TAS1R2: variants seen among roughly 807,000 people sequenced by gnomAD.
TAS1R2 encodes the protein taste receptor type 1 member 2.
TAS1R2 carries 47 observed loss-of-function variants against 49.3 expected under a neutral mutation model. The observed-to-expected ratio is 0.95, with a 90% confidence interval of 0.75 to 1.22. The LOEUF is 1.22. TAS1R2 is among the 50% of genes most tolerant of loss of function. The pLI is 0.00. For missense variants in TAS1R2, 1,155 were observed against 1,122.1 expected, an observed-to-expected ratio of 1.03 and a Z score of -0.42; for synonymous variants, 479 against 467.9, an observed-to-expected ratio of 1.02 and a Z score of -0.31.
At chr1:18,841,598 GC>G in intron 5 of TAS1R2, 130 bp downstream of exon 5, 1 of 1,332,766 alleles carries the variant, frequency 7.5e-7, no homozygotes, top group South Asian at 1.6e-5. Flanking sequence ...CTGGTCCCTG[GC>G]CTTTGGACAC....
chr1:18,854,899 TGTGGTGGTC>T lies in TAS1R2; in HGVS notation c.562_570del (p.Asp188_His190del). The T allele has an allele frequency of 1.9e-6, 3 of 1,612,878 alleles. No individual in the cohort carries two copies. The highest frequency in any genetic ancestry group is 2.5e-6 in the Non-Finnish European group (3 of 1,179,636). On this transcript the variant is annotated inframe_deletion, in exon 3 of 6. Transcript: ENST00000375371. The surrounding 1 kb of genome is among the most constrained non-coding windows in gnomAD (Gnocchi z 4.9). ...AGCATCAGCTGCACCATGGCCTCGA[TGTGGTGGTC>T]GGCGCTGGGTGTGGTACGCAGCAAA...
At chr1:18,859,486 A>C in exon 1 of TAS1R2, 1 of 1,614,106 alleles carries the variant, frequency 6.2e-7, no homozygotes. Flanking sequence ...CACTCCTTGC[A>C]CATGGGCACC....
chr1:18,850,549 G>A (rs998274584), intron 3 of TAS1R2, among the ~76,000 whole-genome samples: 4 of 152,272 alleles, frequency 2.6e-5, no homozygotes, highest in Admixed American at 2.6e-4. Context: ...CCAGGTGGTC[G>A]GCCTGAGGAT....
At chr1:18,841,482 G>T (rs1369211222) in intron 5 of TAS1R2, among the ~76,000 whole-genome samples, 2 of 152,230 alleles carry the variant, frequency 1.3e-5, no homozygotes, top group Non-Finnish European at 1.5e-5. Context: ...CTGCAGTCCA[G>T]CGTGGGGGAG....
chr1:18,852,681 C>T (rs935762016), intron 3 of TAS1R2, among the ~76,000 whole-genome samples: 3 of 152,210 alleles, frequency 2.0e-5, no homozygotes, highest in Admixed American at 6.5e-5. Flanking sequence ...CTGCAGTTCC[C>T]GTCGCCTCTC....
intron 3 of TAS1R2, among the ~76,000 whole-genome samples, chr1:18,851,084 G>C (rs969528157): frequency 1.1e-3 from 170 of 152,332 alleles, no homozygotes; most frequent in African/African-American, 4.0e-3. Context: ...AGTAGTGGCA[G>C]CACTGGGATT....
chr1:18,858,186 AC>A (rs1263086464), intron 1 of TAS1R2: 1 of 155,594 alleles, frequency 6.4e-6, no homozygotes, highest in African/African-American at 2.4e-5. Flanking sequence ...CACCCTCACC[AC>A]CATCACCATC....
intron 4 of TAS1R2, among the ~76,000 whole-genome samples, chr1:18,845,509 T>G (rs946717446): frequency 6.6e-6 from 1 of 152,224 alleles, no homozygotes; most frequent in Non-Finnish European, 1.5e-5. Flanking sequence ...TACACTCTGC[T>G]GGAATAGAGA....
At chr1:18,840,056 A>T in exon 6 of TAS1R2, 1 of 1,614,208 alleles carries the variant, frequency 6.2e-7, no homozygotes, top group East Asian at 2.2e-5. Flanking sequence ...GACCATTTTG[A>T]GTACCGTGAT....
chr1:18,853,548 G>T (rs1557599030), intron 3 of TAS1R2, among the ~76,000 whole-genome samples: 1 of 152,160 alleles, frequency 6.6e-6, no homozygotes, highest in Non-Finnish European at 1.5e-5. Context: ...TAGCAAGGGG[G>T]CGAAAGGGGA....
chr1:18,855,553 C>G (rs1007160452), intron 2 of TAS1R2, among the ~76,000 whole-genome samples: 4 of 152,198 alleles, frequency 2.6e-5, no homozygotes, highest in Non-Finnish European at 5.9e-5. Flanking sequence ...TCAGTCCCTG[C>G]CTTTTCTCCA....
chr1:18,841,739 G>T (rs1384913319), exon 5 of TAS1R2: 1 of 1,613,796 alleles, frequency 6.2e-7, no homozygotes, highest in Admixed American at 1.7e-5. Context: ...CTTCAGTGTG[G>T]TTGAGGAAGG....
At chr1:18,841,163 G>A (rs1933816780) in intron 5 of TAS1R2, among the ~76,000 whole-genome samples, 1 of 152,210 alleles carries the variant, frequency 6.6e-6, no homozygotes, top group Non-Finnish European at 1.5e-5. Context: ...TCTGAACTGT[G>A]CTAAACACTA....
At chr1:18,857,204 T>TCCTGAC in intron 2 of TAS1R2, 127 bp downstream of exon 2, 1 of 1,107,878 alleles carries the variant, frequency 9.0e-7, no homozygotes, top group Non-Finnish European at 1.3e-6. Context: ...TGGGCTGATG[T>TCCTGAC]CCTGACCCTG....
chr1:18,859,500 A>T, exon 1 of TAS1R2: 1 of 1,614,092 alleles, frequency 6.2e-7, no homozygotes, highest in South Asian at 1.1e-5. Flanking sequence ...GGGCACCTGC[A>T]GGAAGTTAAG....
chr1:18,854,698 C>A lies in TAS1R2; in HGVS notation c.772G>T (p.Val258Leu). Reference sequence around the variant, plus strand: ...TGCTGCAGCTTGTCCACAATGGTCACCAGGCGCTGGCGCTCCTCTGACGTC... The same window carrying A: ...TGCTGCAGCTTGTCCACAATGGTCAACAGGCGCTGGCGCTCCTCTGACGTC... The change falls in exon 3 of 6, where the codon GTG becomes TTG. Residue 258 changes from valine (V) to leucine (L), a missense_variant. Val to Leu is a conservative substitution (Grantham distance 32). Transcript: ENST00000375371. This position sits in a 1 kb window ranked among gnomAD's most constrained non-coding sequence, Gnocchi z 4.9. 3 of 1,613,756 alleles carry A rather than the reference C, an allele frequency of 1.9e-6. No homozygotes were observed. In the South Asian group the frequency reaches 3.3e-5, roughly 18 times the overall value.
At chr1:18,843,071 C>G (rs1933856061) in intron 4 of TAS1R2, among the ~76,000 whole-genome samples, 3 of 152,162 alleles carry the variant, frequency 2.0e-5, no homozygotes. Flanking sequence ...GATGTTACAT[C>G]ATTAACACTC....
In TAS1R2 at chr1:18,840,339, G is replaced by A. The variant is rs752675253; in HGVS notation, c.1780C>T (p.Pro594Ser). 4.3e-6 allele frequency: 7 copies of A among 1,614,048 alleles called. No homozygotes were observed. The African/African-American group carries it at 5.3e-5, about 12-fold the overall frequency. Reference sequence around the variant, plus strand: ...GGGCCCCCAGCCGAGCGAACTATGGGTGTCTGGAAGTGCCTCCAGAATATC... The same window carrying A: ...GGGCCCCCAGCCGAGCGAACTATGGATGTCTGGAAGTGCCTCCAGAATATC... Residue 594 changes from proline (P) to serine (S), a missense_variant, in exon 6 of 6, where the codon CCC becomes TCC. Coordinates refer to ENST00000375371, the Ensembl canonical transcript of TAS1R2.
chr1:18,856,927 C>T (rs550536027), intron 2 of TAS1R2, among the ~76,000 whole-genome samples: 7 of 152,310 alleles, frequency 4.6e-5, no homozygotes, highest in African/African-American at 1.7e-4. Flanking sequence ...AGTTTTTATT[C>T]CTGTGCAAGA....
Sources: gnomAD v4.1 joint callset for allele counts (sites outside exome capture counted in the v4.1 genomes callset) on GRCh38, gnomAD v4.1.1 for gene constraint, Gnocchi (gnomAD v3.1) non-coding constraint, MANE v1.5 for transcripts, NCBI Gene and HGNC (gene_info 2026-07-23, HGNC 2026-07-21) for gene names.